DNAH5: variants seen among roughly 807,000 people sequenced by gnomAD.
The protein encoded by DNAH5 is axonemal beta dynein heavy chain 5.
A neutral mutation model predicts 518.2 loss-of-function variants in DNAH5; 372 were observed. The observed-to-expected ratio is 0.72, with a 90% CI of 0.66 to 0.78. The LOEUF is 0.78. DNAH5 is among the 30% of genes least tolerant of loss of function. The probability of loss-of-function intolerance (pLI) is 0.00; values close to 1 mark genes in which losing one functional copy is unlikely to be tolerated. For missense variants in DNAH5, 5,523 were observed against 5,687.0 expected, an observed-to-expected ratio of 0.97 and a Z score of 0.93; for synonymous variants, 2,039 against 2,025.9, an observed-to-expected ratio of 1.01 and a Z score of -0.17.
At chr5:13,781,236 C>G (rs2126839557) in intron 52 of DNAH5, among the ~76,000 whole-genome samples, 1 of 152,172 alleles carries the variant, frequency 6.6e-6, no homozygotes, top group South Asian at 2.1e-4. Flanking sequence ...CGTGCTTGCT[C>G]TGGCTTTTAA....
At chr5:13,891,267 A>G (rs1773182184) in intron 16 of DNAH5, 146 bp from the exon 17 acceptor site, 5 of 817,960 alleles carry the variant, frequency 6.1e-6, no homozygotes, top group Middle Eastern at 3.6e-4. Context: ...ACTGATTCAC[A>G]CTTGGTTGTC....
At chr5:14,010,175 T>C (rs1785013707) in intron 1 of DNAH5, among the ~76,000 whole-genome samples, 1 of 152,188 alleles carries the variant, frequency 6.6e-6, no homozygotes, top group Non-Finnish European at 1.5e-5. Flanking sequence ...AAATGTTTTC[T>C]AGTAACACTT....
intron 58 of DNAH5, among the ~76,000 whole-genome samples, chr5:13,767,585 G>A (rs556455502): frequency 1.3e-5 from 2 of 152,304 alleles, no homozygotes; most frequent in South Asian, 4.1e-4. Flanking sequence ...GGAAAGTAGG[G>A]TAGGGTCAAA....
chr5:14,005,900 A>C (rs1317753544), intron 1 of DNAH5, among the ~76,000 whole-genome samples: 2 of 152,332 alleles, frequency 1.3e-5, no homozygotes, highest in East Asian at 3.9e-4. Flanking sequence ...AGAATGAAGG[A>C]GGCAGCCGGA....
chr5:13,979,719 T>C (rs187092954), intron 1 of DNAH5, among the ~76,000 whole-genome samples: 7 of 152,354 alleles, frequency 4.6e-5, no homozygotes, highest in Admixed American at 1.3e-4. Flanking sequence ...CTAAAGCCTA[T>C]TGATCTTCAT....
At chr5:13,910,377 C>CA (rs1262447605) in intron 12 of DNAH5, among the ~76,000 whole-genome samples, 1 of 152,192 alleles carries the variant, frequency 6.6e-6, no homozygotes, top group Non-Finnish European at 1.5e-5. Context: ...TTAGCACATA[C>CA]AAAGTGCTTA....
rs1235179180 is a variant in DNAH5 at position 13,894,746 on chromosome 5, C to T, written c.2335G>A (p.Ala779Thr). 1.2e-6 allele frequency: 2 copies of T among 1,614,092 alleles called. No individual in the cohort carries two copies. The highest frequency in any genetic ancestry group is 3.3e-5 in the Admixed American group (2 of 60,024). ...AIEQLIVPHL[A>T]KVDEALQPGL... ...GGTTGGAGAGCTTCATCCACTTTGG[C>T]CAAGTGAGGGACAATCAATTGCTCA... is the stretch of plus-strand genomic sequence containing the variant. Residue 779 changes from alanine to threonine, a missense_variant, in exon 16 of 79, where the codon GCC becomes ACC. Transcript: ENST00000265104.
At chr5:13,817,466 G>C (rs1580398656) in intron 42 of DNAH5, 82 bp downstream of exon 42, 1 of 1,395,868 alleles carries the variant, frequency 7.2e-7, no homozygotes, top group East Asian at 2.3e-5. Context: ...AGCAAATACA[G>C]TTGTTCTACT....
chr5:13,983,521 G>A (rs1477174436), intron 1 of DNAH5, among the ~76,000 whole-genome samples: 3 of 152,184 alleles, frequency 2.0e-5, no homozygotes, highest in Non-Finnish European at 4.4e-5. Context: ...TCAGTGTGAC[G>A]ATGCTGCCCA....
intron 1 of DNAH5, among the ~76,000 whole-genome samples, chr5:13,960,838 G>A (rs1781126210): frequency 6.6e-6 from 1 of 152,190 alleles, no homozygotes; most frequent in South Asian, 2.1e-4. Context: ...GCACATAGGT[G>A]CCCACGTGTG....
intron 12 of DNAH5, among the ~76,000 whole-genome samples, chr5:13,906,255 T>G (rs1294433854): frequency 6.6e-6 from 1 of 152,130 alleles, no homozygotes; most frequent in Non-Finnish European, 1.5e-5. Flanking sequence ...AACTGTGGAC[T>G]TTAGATGGTA....
intron 35 of DNAH5, among the ~76,000 whole-genome samples, chr5:13,831,674 G>A (rs1390341811): frequency 6.6e-6 from 1 of 152,164 alleles, no homozygotes; most frequent in Non-Finnish European, 1.5e-5. Flanking sequence ...TGTATGCAGA[G>A]TCTGGATACA....
chr5:13,971,453 G>A (rs1183149056), intron 1 of DNAH5, among the ~76,000 whole-genome samples: 1 of 152,114 alleles, frequency 6.6e-6, no homozygotes, highest in Non-Finnish European at 1.5e-5. Flanking sequence ...AGATTCTTTT[G>A]TCCCACCGCG....
intron 60 of DNAH5, among the ~76,000 whole-genome samples, chr5:13,759,761 T>G (rs1388451832): frequency 2.6e-5 from 4 of 152,226 alleles, no homozygotes; most frequent in Non-Finnish European, 4.4e-5. Context: ...TTAGATCCTT[T>G]AAAATCATTT....
intron 3 of DNAH5, among the ~76,000 whole-genome samples, chr5:13,925,374 G>A (rs1009764480): frequency 3.9e-5 from 6 of 152,314 alleles, no homozygotes; most frequent in South Asian, 2.1e-4. Flanking sequence ...GGTCAAGAGC[G>A]TGTAGACTAA....
rs114805165 is a variant in DNAH5, at chr5:13,992,855, C to T, written c.12+18793G>A. On this transcript the variant is annotated intron_variant, in intron 1 of 78. Transcript: ENST00000681290. ...CAGTTACCAAGACATAATTAAAAGT[C>T]CCAAGGTGAAGCTTAATCAGCCTCT... is the stretch of plus-strand genomic sequence containing the variant. Among the ~76,000 whole-genome samples the T allele has an allele frequency of 7.5e-3, 1,145 of 152,206 alleles. 7 individuals are homozygous for T. Among genetic ancestry groups the T allele is most frequent in the Non-Finnish European group, 0.012 (803 of 67,988 alleles).
chr5:13,741,136 T>C (rs1748466918), intron 65 of DNAH5, among the ~76,000 whole-genome samples: 1 of 152,160 alleles, frequency 6.6e-6, no homozygotes, highest in African/African-American at 2.4e-5. Context: ...GCTCAATCTC[T>C]GAAAACCATG....
intron 76 of DNAH5, among the ~76,000 whole-genome samples, chr5:13,703,675 T>C (rs1742419647): frequency 6.6e-6 from 1 of 152,202 alleles, no homozygotes. Context: ...GTGCCTTTTT[T>C]CCACTCCTAT....
rs1428718985 is a variant in DNAH5 at position 13,717,438 on chromosome 5, A to G, written c.12582T>C (p.Thr4194=). The part of the protein sequence containing the change: ...MLYAVAFLHS[T]VQERRKFGAL... Reference sequence around the variant, plus strand: ...CACCGAACTTGCGCCTCTCCTGGACAGTGGAGTGCAGGAAAGCCACTGCGT... The same window carrying G: ...CACCGAACTTGCGCCTCTCCTGGACGGTGGAGTGCAGGAAAGCCACTGCGT... The change falls in exon 73 of 79, where the codon ACT becomes ACC. Residue 4194 remains threonine (T), a synonymous_variant. Coordinates refer to ENST00000265104, the MANE Select transcript of DNAH5 (RefSeq NM_001369.3). 6 of 1,614,044 alleles carry G rather than the reference A, an allele frequency of 3.7e-6. No individual in the cohort carries two copies. The highest frequency in any genetic ancestry group is 2.7e-5 in the African/African-American group (2 of 74,940).
Sources: gnomAD v4.1 joint callset for allele counts (sites outside exome capture counted in the v4.1 genomes callset) on GRCh38, gnomAD v4.1.1 for gene constraint, MANE v1.5 for transcripts, NCBI Gene and HGNC (gene_info 2026-07-23, HGNC 2026-07-21) for gene names.